CLYBL: variants seen among roughly 807,000 people sequenced by gnomAD.
CLYBL encodes citramalyl-CoA lyase, mitochondrial.
Under a neutral mutation model 38.9 loss-of-function variants are expected in CLYBL, and 31 were observed. The observed-to-expected ratio is 0.80, with a 90% CI of 0.60 to 1.08. The LOEUF is 1.08. Among genes scored for constraint, CLYBL ranks in the 50% least tolerant of loss-of-function variants. CLYBL has a pLI of 0.00. For synonymous variants in CLYBL, 171 were observed against 158.6 expected (o/e 1.08, Z -0.59); for missense variants, 434 against 411.6 (o/e 1.05, Z -0.47).
intron 1 of CLYBL, among the ~76,000 whole-genome samples, chr13:99,670,816 A>G (rs151184461): frequency 2.1e-3 from 319 of 152,214 alleles, no homozygotes; most frequent in Non-Finnish European, 3.5e-3. Flanking sequence ...AAACATCTCA[A>G]TATTTTCCAT....
At chr13:99,873,014 C>G (rs1346315533) in intron 7 of CLYBL, among the ~76,000 whole-genome samples, 1 of 151,742 alleles carries the variant, frequency 6.6e-6, no homozygotes, top group East Asian at 1.9e-4. Flanking sequence ...GGCAGGATGG[C>G]TTTTCTTAAC....
intron 2 of CLYBL, among the ~76,000 whole-genome samples, chr13:99,779,562 A>G (rs1055474446): frequency 6.6e-6 from 1 of 152,226 alleles, no homozygotes; most frequent in African/African-American, 2.4e-5. Context: ...TTGTGGACTG[A>G]TACTTTTGTA....
intron 2 of CLYBL, among the ~76,000 whole-genome samples, chr13:99,778,763 T>C (rs1327418610): frequency 6.6e-6 from 1 of 152,178 alleles, no homozygotes; most frequent in Non-Finnish European, 1.5e-5. Flanking sequence ...AGTAAAAATA[T>C]GCCAAGTAAT....
intron 2 of CLYBL, among the ~76,000 whole-genome samples, chr13:99,829,248 G>A (rs2050757593): frequency 6.6e-6 from 1 of 152,218 alleles, no homozygotes; most frequent in Non-Finnish European, 1.5e-5. Context: ...CAAGGAGGAA[G>A]GTAGGAATCT....
chr13:99,788,144 A>G (rs189626799), intron 2 of CLYBL, among the ~76,000 whole-genome samples: 123 of 152,170 alleles, frequency 8.1e-4, no homozygotes, highest in Non-Finnish European at 1.4e-3. Context: ...GTCATCTGCA[A>G]ACAGGGACAA....
chr13:99,646,741 G>A (rs1407553577), intron 1 of CLYBL, among the ~76,000 whole-genome samples: 1 of 149,964 alleles, frequency 6.7e-6, no homozygotes, highest in Non-Finnish European at 1.5e-5. Context: ...GGCCAGGTTG[G>A]TATTAAACTC....
chr13:99,706,307 C>T (rs1417460660), intron 1 of CLYBL, among the ~76,000 whole-genome samples: 1 of 152,158 alleles, frequency 6.6e-6, no homozygotes, highest in East Asian at 1.9e-4. Context: ...CTGAGCCAAA[C>T]ACTGTATAGC....
intron 2 of CLYBL, among the ~76,000 whole-genome samples, chr13:99,841,295 AGG>A (rs2051069539): frequency 6.6e-6 from 1 of 152,220 alleles, no homozygotes; most frequent in Admixed American, 6.5e-5. Context: ...TAGATGCCAT[AGG>A]AGAGAAAAAG....
chr13:99,887,296 T>G (rs568222241), intron 7 of CLYBL, among the ~76,000 whole-genome samples: 1 of 152,320 alleles, frequency 6.6e-6, no homozygotes, highest in East Asian at 1.9e-4. Context: ...AGAACCCTTT[T>G]CAATCACCAG....
At chr13:99,841,390 C>T (rs1409154365) in intron 2 of CLYBL, among the ~76,000 whole-genome samples, 2 of 93,026 alleles carry the variant, frequency 2.1e-5, no homozygotes, top group African/African-American at 5.2e-5. Context: ...AAAACACATA[C>T]ATACTTTTTT....
intron 2 of CLYBL, among the ~76,000 whole-genome samples, chr13:99,807,129 A>G (rs79506550): frequency 0.013 from 1,961 of 152,280 alleles, 23 homozygotes; most frequent in East Asian, 0.075. Context: ...AGCCAGTTCA[A>G]CCTTCACTGC....
At chr13:99,662,696 T>A (rs1301347673) in intron 1 of CLYBL, among the ~76,000 whole-genome samples, 1 of 152,152 alleles carries the variant, frequency 6.6e-6, no homozygotes, top group African/African-American at 2.4e-5. Flanking sequence ...CTGTCCAATT[T>A]AATAATTTAT....
chr13:99,775,762 G>A lies in CLYBL; in HGVS notation c.249+2752G>A, dbSNP rs1566321936. Among the ~76,000 whole-genome samples the A allele has an allele frequency of 3.3e-5, 5 of 152,126 alleles. No individual in the cohort carries two copies. In the East Asian group the frequency reaches 9.7e-4, roughly 29 times the overall value. On this transcript the variant is annotated intron_variant, in intron 2 of 8. Transcript: ENST00000339105. ...GGACTCACGTGATCCTCCTGCCTCA[G>A]CCTCCCAAAGGGCTGGGATTACAGG...
chr13:99,794,607 T>TATTATTATTATTA (rs1566329958), intron 2 of CLYBL, among the ~76,000 whole-genome samples: 4 of 150,124 alleles, frequency 2.7e-5, no homozygotes, highest in Non-Finnish European at 1.5e-5. Flanking sequence ...TTATTATTAT[T>TATTATTATTATTA]TTGAGATGGA....
chr13:99,699,856 T>C (rs2048037118), intron 1 of CLYBL, among the ~76,000 whole-genome samples: 2 of 149,632 alleles, frequency 1.3e-5, no homozygotes, highest in Admixed American at 1.3e-4. Flanking sequence ...TAGCTGGGCG[T>C]GGTGGCGGGT....
chr13:99,818,581 TACA>T (rs1052540116), intron 2 of CLYBL, among the ~76,000 whole-genome samples: 1 of 152,178 alleles, frequency 6.6e-6, no homozygotes, highest in African/African-American at 2.4e-5. Flanking sequence ...GTTTCTCTGT[TACA>T]ACAACTCATA....
At chr13:99,731,651 C>G (rs549195900) in intron 1 of CLYBL, among the ~76,000 whole-genome samples, 1 of 152,182 alleles carries the variant, frequency 6.6e-6, no homozygotes, top group Non-Finnish European at 1.5e-5. Flanking sequence ...TCAGAGTAGA[C>G]AGAGGCGGAG....
intron 1 of CLYBL, among the ~76,000 whole-genome samples, chr13:99,720,854 T>C (rs2139526721): frequency 6.6e-6 from 1 of 152,324 alleles, no homozygotes; most frequent in East Asian, 1.9e-4. Context: ...CTGTTCAATC[T>C]GAGAATGTAA....
chr13:99,883,208 A>G (rs1032833615), intron 7 of CLYBL, among the ~76,000 whole-genome samples: 4 of 152,174 alleles, frequency 2.6e-5, no homozygotes, highest in Admixed American at 2.6e-4. Flanking sequence ...TTGTCATAAG[A>G]AAAGTCAAGC....
Sources: gnomAD v4.1 joint callset for allele counts (sites outside exome capture counted in the v4.1 genomes callset) on GRCh38, gnomAD v4.1.1 for gene constraint, MANE v1.5 for transcripts, NCBI Gene and HGNC (gene_info 2026-07-23, HGNC 2026-07-21) for gene names.